The following MGAT4C variants were observed in gnomAD, a reference collection of about 807,000 sequenced individuals.
MGAT4C encodes the protein MGAT4 family member C, also known as alpha-1,3-mannosyl-glycoprotein 4-beta-N-acetylglucosaminyltransferase C.
In MGAT4C, 19 loss-of-function variants were observed where a neutral mutation model predicts 40.1. That is an observed-to-expected ratio of 0.47 (90% CI 0.33 to 0.70). MGAT4C has a LOEUF of 0.70. Among genes scored for constraint, MGAT4C ranks in the 30% least tolerant of loss-of-function variants. The probability of loss-of-function intolerance (pLI) is 0.02; values close to 1 mark genes in which losing one functional copy is unlikely to be tolerated. For missense variants in MGAT4C, 491 were observed against 563.2 expected, an observed-to-expected ratio of 0.87 and a Z score of 1.30; for synonymous variants, 181 against 187.1, an observed-to-expected ratio of 0.97 and a Z score of 0.27.
At chr12:86,481,468 C>A (rs1463584752) in intron 2 of MGAT4C, among the ~76,000 whole-genome samples, 2 of 152,016 alleles carry the variant, frequency 1.3e-5, no homozygotes, top group Non-Finnish European at 2.9e-5. Context: ...TCTGATGTAG[C>A]ATTTCCATTT....
intron 2 of MGAT4C, among the ~76,000 whole-genome samples, chr12:86,655,638 G>C (rs1445906196): frequency 6.6e-6 from 1 of 152,082 alleles, no homozygotes; most frequent in Non-Finnish European, 1.5e-5. Flanking sequence ...TGAAGTAAAA[G>C]AATGTATGGC....
At chr12:86,069,758 T>A (rs1237307612) in intron 1 of MGAT4C, among the ~76,000 whole-genome samples, 1 of 152,092 alleles carries the variant, frequency 6.6e-6, no homozygotes, top group African/African-American at 2.4e-5. Context: ...GTGACTATGA[T>A]TTCTTACCTG....
chr12:86,588,435 C>T (rs1211135322), intron 2 of MGAT4C, among the ~76,000 whole-genome samples: 1 of 151,986 alleles, frequency 6.6e-6, no homozygotes, highest in African/African-American at 2.4e-5. Context: ...GAGACTTAGA[C>T]TAACACACAT....
At chr12:86,554,318 A>G (rs546279208) in intron 2 of MGAT4C, among the ~76,000 whole-genome samples, 1 of 152,318 alleles carries the variant, frequency 6.6e-6, no homozygotes, top group East Asian at 1.9e-4. Context: ...ATTTCTCTGA[A>G]TGAGGTCACT....
At chr12:85,981,021 C>T (rs1884535762) in intron 4 of MGAT4C, among the ~76,000 whole-genome samples, 1 of 151,986 alleles carries the variant, frequency 6.6e-6, no homozygotes, top group Non-Finnish European at 1.5e-5. Flanking sequence ...TTGGACTTCA[C>T]AATTTTATCT....
chr12:86,247,906 T>C (rs138279625), intron 1 of MGAT4C, among the ~76,000 whole-genome samples: 7 of 152,272 alleles, frequency 4.6e-5, no homozygotes, highest in African/African-American at 1.7e-4. Flanking sequence ...AGGAGTGTCA[T>C]GTTCAGATTT....
intron 2 of MGAT4C, among the ~76,000 whole-genome samples, chr12:86,568,545 C>CATATAT (rs1232291041): frequency 0.28 from 39,210 of 138,194 alleles, 5,622 homozygotes; most frequent in Middle Eastern, 0.38. Flanking sequence ...AACTCCCCTT[C>CATATAT]ATATATATAT....
At chr12:86,076,350 A>G (rs530413905) in intron 1 of MGAT4C, among the ~76,000 whole-genome samples, 10 of 152,328 alleles carry the variant, frequency 6.6e-5, no homozygotes, top group African/African-American at 2.4e-4. Flanking sequence ...ACAAGTTTCT[A>G]GGAAGTTTCA....
At chr12:86,755,813 G>GT (rs1167639159) in intron 1 of MGAT4C, among the ~76,000 whole-genome samples, 1 of 151,478 alleles carries the variant, frequency 6.6e-6, no homozygotes, top group East Asian at 2.0e-4. Context: ...TGCCCTGCTA[G>GT]TTTTTTGTAG....
intron 1 of MGAT4C, among the ~76,000 whole-genome samples, chr12:86,135,453 C>A (rs763649183): frequency 1.3e-5 from 2 of 152,074 alleles, no homozygotes; most frequent in East Asian, 3.9e-4. Flanking sequence ...AGAGTATGTG[C>A]GTGATCTTAT....
intron 4 of MGAT4C, among the ~76,000 whole-genome samples, chr12:86,270,938 T>C (rs962412262): frequency 2.6e-5 from 4 of 152,186 alleles, no homozygotes; most frequent in Admixed American, 1.3e-4. Context: ...CTTCAATAAA[T>C]GGTGCTGGAA....
At chr12:86,672,051 A>T (rs1175972275) in intron 2 of MGAT4C, among the ~76,000 whole-genome samples, 1 of 152,172 alleles carries the variant, frequency 6.6e-6, no homozygotes, top group East Asian at 1.9e-4. Flanking sequence ...AAGAAGTGTT[A>T]AAACATTCAG....
intron 2 of MGAT4C, among the ~76,000 whole-genome samples, chr12:86,496,560 C>A (rs1164031059): frequency 6.6e-6 from 1 of 151,196 alleles, no homozygotes. Context: ...CTTAAAATAT[C>A]TGTAAAAATG....
chr12:86,578,745 C>T (rs984331631), intron 2 of MGAT4C, among the ~76,000 whole-genome samples: 2 of 151,534 alleles, frequency 1.3e-5, no homozygotes, highest in African/African-American at 4.8e-5. Flanking sequence ...TTTGGACCTT[C>T]CCTTGTTTTT....
chr12:86,516,561 A>AT (rs571077377), intron 2 of MGAT4C, among the ~76,000 whole-genome samples: 2 of 151,948 alleles, frequency 1.3e-5, no homozygotes, highest in African/African-American at 2.4e-5. Flanking sequence ...GATTTAAGCA[A>AT]TTTTTTTTCT....
chr12:86,603,364 T>C (rs2136462667), intron 2 of MGAT4C, among the ~76,000 whole-genome samples: 1 of 132,626 alleles, frequency 7.5e-6, no homozygotes, highest in East Asian at 2.1e-4. Context: ...GTATAGTATA[T>C]GCTATATACT....
At chr12:86,003,248 A>G (rs563970826) in intron 2 of MGAT4C, among the ~76,000 whole-genome samples, 2 of 152,348 alleles carry the variant, frequency 1.3e-5, no homozygotes, top group South Asian at 2.1e-4. Context: ...CTAGCTTCAT[A>G]TTGTTTGTTT....
At chr12:86,388,741 G>C (rs1956111080) in intron 3 of MGAT4C, among the ~76,000 whole-genome samples, 1 of 148,000 alleles carries the variant, frequency 6.8e-6, no homozygotes, top group Non-Finnish European at 1.5e-5. Flanking sequence ...GAGTGCAGTG[G>C]TATGATCTTG....
intron 2 of MGAT4C, among the ~76,000 whole-genome samples, chr12:86,441,354 T>C (rs1266927899): frequency 2.0e-5 from 3 of 151,124 alleles, no homozygotes; most frequent in Non-Finnish European, 4.4e-5. Context: ...TTATTATTAT[T>C]ATTATTATTA....
Sources: gnomAD v4.1 joint callset for allele counts (sites outside exome capture counted in the v4.1 genomes callset) on GRCh38, gnomAD v4.1.1 for gene constraint, MANE v1.5 for transcripts, NCBI Gene and HGNC (gene_info 2026-07-23, HGNC 2026-07-21) for gene names.